Variants in ZFHX3 observed in about 807,000 individuals in gnomAD.
ZFHX3 encodes zinc finger homeobox protein 3.
A neutral mutation model predicts 279.1 loss-of-function variants in ZFHX3; 42 were observed. That is an observed-to-expected ratio of 0.15 (90% CI 0.12 to 0.19). The LOEUF (loss-of-function observed/expected upper bound fraction) is 0.19, where lower values mean the gene tolerates loss of function less well. ZFHX3 is among the 10% of genes least tolerant of loss of function. ZFHX3 has a pLI of 1.00. For missense variants in ZFHX3, 4,981 were observed against 4,754.0 expected (o/e 1.05, Z -1.40); for synonymous variants, 2,293 against 1,957.8 (o/e 1.17, Z -4.52).
At chr16:73,574,573 G>A (rs1262932031) in intron 2 of ZFHX3, among the ~76,000 whole-genome samples, 1 of 152,272 alleles carries the variant, frequency 6.6e-6, no homozygotes, top group Non-Finnish European at 1.5e-5. Flanking sequence ...AACGTGCCCA[G>A]TGAAGGTTTG....
At chr16:73,334,810 C>CT (rs368597124) in intron 3 of ZFHX3, among the ~76,000 whole-genome samples, 2,761 of 57,900 alleles carry the variant, frequency 0.048, 635 homozygotes, top group African/African-American at 0.071. Context: ...CTTTCTCATT[C>CT]TTTTTTTTTT....
intron 1 of ZFHX3, among the ~76,000 whole-genome samples, chr16:73,775,346 A>G (rs1959221792): frequency 6.6e-6 from 1 of 152,176 alleles, no homozygotes; most frequent in South Asian, 2.1e-4. Flanking sequence ...TAGTTATATA[A>G]GCGCATCGTT....
At chr16:73,049,734 C>A (rs887970920), upstream of ZFHX3, among the ~76,000 whole-genome samples, 12 of 152,224 alleles carry the variant, frequency 7.9e-5, no homozygotes, top group Admixed American at 2.6e-4. Context: ...AGTTAAGAGC[C>A]AACAGGGAAG....
chr16:73,017,141 T>A (rs1336461307), intron 1 of ZFHX3, among the ~76,000 whole-genome samples: 1 of 150,834 alleles, frequency 6.6e-6, no homozygotes, highest in Non-Finnish European at 1.5e-5. Flanking sequence ...GGCAGGAAGA[T>A]CACCTCCCTC....
At chr16:73,173,231 A>C (rs1417690682) in intron 5 of ZFHX3, among the ~76,000 whole-genome samples, 2 of 151,664 alleles carry the variant, frequency 1.3e-5, no homozygotes, top group East Asian at 1.9e-4. Context: ...TTCTTTCTTA[A>C]ATATAATTAG....
intron 2 of ZFHX3, among the ~76,000 whole-genome samples, chr16:73,563,646 C>T (rs1407460855): frequency 6.6e-6 from 1 of 152,170 alleles, no homozygotes; most frequent in East Asian, 1.9e-4. Flanking sequence ...CTAAGTACAA[C>T]ATCACTTCCT....
intron 5 of ZFHX3, among the ~76,000 whole-genome samples, chr16:73,206,865 A>G (rs1237657310): frequency 6.6e-6 from 1 of 151,934 alleles, no homozygotes; most frequent in Admixed American, 6.6e-5. Flanking sequence ...TAAAAATATT[A>G]AAATTATCCG....
intron 4 of ZFHX3, among the ~76,000 whole-genome samples, chr16:72,843,438 G>A (rs1346200208): frequency 1.3e-5 from 2 of 150,894 alleles, no homozygotes; most frequent in Admixed American, 1.3e-4. Context: ...GTGAACCCGG[G>A]AGACGGAGCT....
At chr16:73,762,181 C>G (rs2053875862) in intron 1 of ZFHX3, among the ~76,000 whole-genome samples, 1 of 150,882 alleles carries the variant, frequency 6.6e-6, no homozygotes, top group Non-Finnish European at 1.5e-5. Flanking sequence ...AGGACATGAA[C>G]AGATGCTTCT....
intron 5 of ZFHX3, among the ~76,000 whole-genome samples, chr16:73,164,460 GA>G (rs1597195397): frequency 6.6e-6 from 1 of 152,176 alleles, no homozygotes; most frequent in East Asian, 1.9e-4. Context: ...AGCACTTTGG[GA>G]GGCCAAGGCG....
At chr16:73,293,080 T>A (rs1213612583) in intron 4 of ZFHX3, among the ~76,000 whole-genome samples, 4 of 152,130 alleles carry the variant, frequency 2.6e-5, no homozygotes, top group Non-Finnish European at 5.9e-5. Context: ...TAGAACCACC[T>A]TCAAACCCGG....
intron 2 of ZFHX3, among the ~76,000 whole-genome samples, chr16:73,643,479 C>T (rs375939033): frequency 8.5e-4 from 130 of 152,266 alleles, no homozygotes; most frequent in African/African-American, 2.9e-3. Context: ...GATGTGGCTA[C>T]GATATTAGGC....
chr16:73,208,201 G>A (rs2011877864), intron 5 of ZFHX3, among the ~76,000 whole-genome samples: 1 of 152,146 alleles, frequency 6.6e-6, no homozygotes, highest in Non-Finnish European at 1.5e-5. Flanking sequence ...TTTTGAAAAA[G>A]TATAAGCAAT....
Position 72,798,440 on chromosome 16 carries a change from T to C in ZFHX3, c.4242A>G (p.Glu1414=). 6.2e-7 allele frequency: 1 copy of C among 1,614,240 alleles called. No individual in the cohort carries two copies. The highest frequency in any genetic ancestry group is 8.5e-7 in the Non-Finnish European group (1 of 1,180,042). ...GGTACTGAGAATGGAGCTGCAACTT[T>C]TCAATGGTCTTGAAGGCCAGGCTAC... ...NQCSLAFKTI[E]KLQLHSQYHV... is the part of the protein sequence containing the mutation. Residue 1414 remains glutamate (E), a synonymous_variant, in exon 9 of 10, where the codon GAA becomes GAG. Transcript: ENST00000268489.
At chr16:73,682,169 G>A (rs1355612081) in intron 1 of ZFHX3, among the ~76,000 whole-genome samples, 1 of 152,054 alleles carries the variant, frequency 6.6e-6, no homozygotes, top group African/African-American at 2.4e-5. Context: ...GCTCTTATGA[G>A]GATAAAATAA....
intron 3 of ZFHX3, among the ~76,000 whole-genome samples, chr16:72,926,233 T>C (rs1038220527): frequency 3.3e-5 from 5 of 152,202 alleles, no homozygotes; most frequent in South Asian, 4.1e-4. Flanking sequence ...AACTAGATGC[T>C]AGAATATAAT....
intron 3 of ZFHX3, among the ~76,000 whole-genome samples, chr16:73,348,279 A>G (rs2016157845): frequency 6.6e-6 from 1 of 152,050 alleles, no homozygotes; most frequent in Non-Finnish European, 1.5e-5. Context: ...AGTCCTAAGG[A>G]AAAGCCTAGC....
chr16:72,885,759 G>A (rs1031250248), intron 4 of ZFHX3, among the ~76,000 whole-genome samples: 2 of 152,188 alleles, frequency 1.3e-5, no homozygotes, highest in African/African-American at 4.8e-5. Flanking sequence ...CAGAGGAGAA[G>A]AGGAAAGGAG....
chr16:73,376,344 G>T (rs1270970110), intron 3 of ZFHX3, among the ~76,000 whole-genome samples: 2 of 152,148 alleles, frequency 1.3e-5, no homozygotes, highest in Non-Finnish European at 2.9e-5. Flanking sequence ...CTTTAACATT[G>T]TAGAAAATGC....
Sources: gnomAD v4.1 joint callset for allele counts (sites outside exome capture counted in the v4.1 genomes callset) on GRCh38, gnomAD v4.1.1 for gene constraint, MANE v1.5 for transcripts, NCBI Gene and HGNC (gene_info 2026-07-23, HGNC 2026-07-21) for gene names.